ALDH4A1: variants seen among roughly 807,000 people sequenced by gnomAD.
ALDH4A1 encodes the protein delta-1-pyrroline-5-carboxylate dehydrogenase, mitochondrial.
In ALDH4A1, 46 loss-of-function variants were observed where a neutral mutation model predicts 70.5. The ratio of observed to expected loss-of-function variants is 0.65; its 90% CI spans 0.51 to 0.83. The LOEUF is 0.83. ALDH4A1 is among the 40% of genes least tolerant of loss of function. The pLI, the probability that ALDH4A1 is intolerant of heterozygous loss-of-function variation, is 0.00. For synonymous variants in ALDH4A1, 323 were observed against 324.3 expected, an observed-to-expected ratio of 1.00 and a Z score of 0.04; for missense variants, 749 against 766.5, an observed-to-expected ratio of 0.98 and a Z score of 0.27.
chr1:18,872,961 C>T lies in ALDH4A1; in HGVS notation c.1580-4G>A, dbSNP rs111572824. The T allele has an allele frequency of 2.2e-5, 35 of 1,612,156 alleles. No individual in the cohort carries two copies. The highest frequency in any genetic ancestry group is 5.3e-5 in the African/African-American group (4 of 74,870). On this transcript the variant is annotated splice_polypyrimidine_tract_variant and splice_region_variant and intron_variant, in intron 14 of 14. Transcript: ENST00000375341. ...CCCCCTGGCTTGTCATTGGTTCCTG[C>T]GGAAAAGACACTTCTGTTTTTCTCT... is the stretch of plus-strand genomic sequence containing the variant.
intron 12 of ALDH4A1, among the ~76,000 whole-genome samples, chr1:18,875,962 A>C (rs1001330977): frequency 5.3e-5 from 8 of 152,192 alleles, no homozygotes; most frequent in African/African-American, 1.9e-4. Flanking sequence ...CTCATCTGTA[A>C]AATGGGAACA....
intron 7 of ALDH4A1, 58 bp from the exon 8 acceptor site, chr1:18,881,945 A>G: frequency 8.0e-7 from 1 of 1,249,438 alleles, no homozygotes; most frequent in Non-Finnish European, 1.1e-6. Context: ...CCCAACCCCC[A>G]CCCCACCCTA....
intron 1 of ALDH4A1, among the ~76,000 whole-genome samples, chr1:18,896,903 A>G (rs1935636133): frequency 6.6e-6 from 1 of 152,046 alleles, no homozygotes; most frequent in South Asian, 2.1e-4. Flanking sequence ...AAAAAAAAAA[A>G]AAAGAAAGAA....
chr1:18,877,505 C>T lies in ALDH4A1; in HGVS notation c.1048G>A (p.Ala350Thr), dbSNP rs142969512. Residue 350 changes from alanine to threonine, a missense_variant, in exon 10 of 15, where the codon GCG becomes ACG. Coordinates refer to ENST00000375341, the MANE Select transcript of ALDH4A1 (RefSeq NM_003748.4). ...AFEYGGQKCS[A>T]CSRLYVPHSL... ...TGCGGCACGTAGAGACGCGAGCACG[C>T]GGAACACTTCTGGCCACCGTACTCG... 11 of 1,609,314 alleles carry T rather than the reference C, an allele frequency of 6.8e-6. No individual in the cohort carries two copies. The Admixed American group carries it at 1.5e-4, about 22-fold the overall frequency.
chr1:18,885,443 C>CCCCCCCCCCCCCCCCCCA, intron 5 of ALDH4A1, 30 bp downstream of exon 5: 1 of 803,766 alleles, frequency 1.2e-6, no homozygotes, highest in Non-Finnish European at 2.0e-6. Context: ...CCCACCCCGC[C>CCCCCCCCCCCCCCCCCCA]CCACCCACCC....
At chr1:18,877,748 AGAGT>A in intron 9 of ALDH4A1, 136 bp from the exon 10 acceptor site, 1 of 1,079,976 alleles carries the variant, frequency 9.3e-7, no homozygotes, top group Admixed American at 2.3e-5. Context: ...GCGGAGGCTC[AGAGT>A]GAGCGCTGGC....
chr1:18,877,323 G>A, intron 10 of ALDH4A1, 68 bp from the exon 11 acceptor site: 8 of 1,558,428 alleles, frequency 5.1e-6, no homozygotes, highest in Non-Finnish European at 5.2e-6. Context: ...ACCCCTCCCC[G>A]CACACCCCAG....
At position 18,894,383 on chromosome 1, in the gene ALDH4A1, C is replaced by A. The variant is rs80255781; in HGVS notation, c.63-4278G>T. On this transcript the variant is annotated intron_variant, in intron 1 of 14. Coordinates refer to ENST00000375341, the MANE Select transcript of ALDH4A1 (RefSeq NM_003748.4). ...TGGCAAAACACCATCTCTACTAAAA[C>A]TACAAAAAAATTAGCCAGACGTGGT... Among the ~76,000 whole-genome samples, 1,438 of 152,250 alleles carry A rather than the reference C, an allele frequency of 9.4e-3. 26 individuals carry two copies. The highest frequency in any genetic ancestry group is 0.061 in the East Asian group (317 of 5,170).
chr1:18,875,512 G>C lies in ALDH4A1; in HGVS notation c.1339-9C>G, dbSNP rs2100553720. On this transcript the variant is annotated splice_polypyrimidine_tract_variant and intron_variant, in intron 12 of 14. Coordinates refer to ENST00000375341, the MANE Select transcript of ALDH4A1 (RefSeq NM_003748.4). ...ACAGGCCCGAAGATCTCCTAGGAGA[G>C]AGGCCCCGGCGTCAGACCCTCCACG... 1 of 1,614,026 alleles carries C rather than the reference G, an allele frequency of 6.2e-7. No individual in the cohort carries two copies.
chr1:18,873,176 C>T (rs927664987), intron 14 of ALDH4A1, among the ~76,000 whole-genome samples: 4 of 152,066 alleles, frequency 2.6e-5, no homozygotes, highest in African/African-American at 9.7e-5. Context: ...CCAGTCGCAC[C>T]CAGCCTTGCA....
intron 1 of ALDH4A1, among the ~76,000 whole-genome samples, chr1:18,896,708 C>T (rs974702161): frequency 6.6e-6 from 1 of 152,090 alleles, no homozygotes; most frequent in African/African-American, 2.4e-5. Flanking sequence ...GCCTGGCCAA[C>T]ATGGTGAAAC....
At chr1:18,900,820 T>C (rs1290181112) in intron 1 of ALDH4A1, 3 of 976,868 alleles carry the variant, frequency 3.1e-6, no homozygotes, top group Non-Finnish European at 3.6e-6. Context: ...TTCAGTCATA[T>C]ATCTCTGATG....
chr1:18,891,235 C>T (rs561501218), intron 1 of ALDH4A1, among the ~76,000 whole-genome samples: 4 of 152,222 alleles, frequency 2.6e-5, no homozygotes, highest in Non-Finnish European at 5.9e-5. Flanking sequence ...ATGATGATGA[C>T]AAAGTCAACT....
At chr1:18,897,140 G>A (rs775580969) in intron 1 of ALDH4A1, 12 of 511,652 alleles carry the variant, frequency 2.3e-5, no homozygotes, top group Non-Finnish European at 4.4e-5. Context: ...GAGTGTCAAC[G>A]TGACGCTCAA....
Position 18,877,468 on chromosome 1 carries a change from G to A in ALDH4A1, c.1085C>T (p.Pro362Leu), listed in dbSNP as rs760173262. Reference sequence around the variant, plus strand: ...CTCCAGCAGCCGCCCTTTGATCTGCGGCCACAGCGAGTGCGGCACGTAGAG... The same window carrying A: ...CTCCAGCAGCCGCCCTTTGATCTGCAGCCACAGCGAGTGCGGCACGTAGAG... ...SRLYVPHSLW[P>L]QIKGRLLEEH... The change falls in exon 10 of 15, where the codon CCG becomes CTG. Residue 362 changes from proline to leucine, a missense_variant. Pro to Leu is a moderately conservative substitution (Grantham distance 98, BLOSUM62 -3). Transcript: ENST00000375341. The A allele has an allele frequency of 6.9e-6, 11 of 1,595,834 alleles. No individual in the cohort carries two copies. Among genetic ancestry groups the A allele is most frequent in the East Asian group, 2.3e-5 (1 of 44,180 alleles).
In ALDH4A1 at chr1:18,898,318, T is replaced by C. The variant is rs1935690929; in HGVS notation, c.62+4144A>G. Among the ~76,000 whole-genome samples, 1 of 151,516 alleles carries C rather than the reference T, an allele frequency of 6.6e-6. No homozygotes were observed. Among genetic ancestry groups the C allele is most frequent in the Non-Finnish European group, 1.5e-5 (1 of 68,010 alleles). On this transcript the variant is annotated intron_variant, in intron 1 of 14. Transcript: ENST00000375341. The surrounding 1 kb of genome is among the most constrained non-coding windows in gnomAD (Gnocchi z 4.3). ...GCCTGGACAACAGAGTGAGACTCTG[T>C]CTCCAAAACAAACAAACAAACAAAC...
In ALDH4A1 at chr1:18,872,806, G is replaced by T. The variant is rs766679742; in HGVS notation, c.*39C>A. The T allele has an allele frequency of 6.4e-7, 1 of 1,559,946 alleles. No homozygotes were observed. The highest frequency in any genetic ancestry group is 8.8e-7 in the Non-Finnish European group (1 of 1,134,772). ...GTCTGTGCAGTGAGGTCGGCCACCT[G>T]GACGGACAGACAGCTGGACGGTGGA... On this transcript the variant is annotated 3_prime_UTR_variant, in exon 15 of 15. Coordinates refer to ENST00000375341, the MANE Select transcript of ALDH4A1 (RefSeq NM_003748.4).
intron 11 of ALDH4A1, 36 bp downstream of exon 11, chr1:18,877,172 G>GC (rs1206562891): frequency 6.3e-7 from 1 of 1,597,984 alleles, no homozygotes; most frequent in Non-Finnish European, 8.5e-7. Flanking sequence ...TCCAGGGCTT[G>GC]CCCCCACCCA....
intron 12 of ALDH4A1, 30 bp from the exon 13 acceptor site, chr1:18,875,533 C>CCACGGGA: frequency 6.2e-7 from 1 of 1,613,720 alleles, no homozygotes; most frequent in Non-Finnish European, 8.5e-7. Context: ...GTCAGACCCT[C>CCACGGGA]CACGGGACCA....
Sources: gnomAD v4.1 joint callset for allele counts (sites outside exome capture counted in the v4.1 genomes callset) on GRCh38, gnomAD v4.1.1 for gene constraint, Gnocchi (gnomAD v3.1) non-coding constraint, MANE v1.5 for transcripts, NCBI Gene and HGNC (gene_info 2026-07-23, HGNC 2026-07-21) for gene names.